Variants in DOCK1 observed in about 807,000 individuals in gnomAD.
The protein encoded by DOCK1 is dedicator of cytokinesis protein 1.
DOCK1 carries 138 observed loss-of-function variants against 262.7 expected under a neutral mutation model. The observed-to-expected ratio is 0.53, with a 90% CI of 0.46 to 0.61. DOCK1 has a LOEUF of 0.61. DOCK1 is among the 20% of genes least tolerant of loss of function. The pLI is 0.00. For synonymous variants in DOCK1, 866 were observed against 867.4 expected (o/e 1.00, Z 0.03); for missense variants, 1,908 against 2,370.7 (o/e 0.80, Z 4.05).
In DOCK1 at chr10:127,248,219, G is replaced by T; in HGVS notation, c.2949+110G>T. 9 of 965,332 alleles carry T rather than the reference G, an allele frequency of 9.3e-6. 1 individual carries two copies. Among genetic ancestry groups the T allele is most frequent in the Non-Finnish European group, 1.4e-5 (9 of 641,596 alleles). 59.8% of individuals were successfully genotyped at this position (965,332 alleles called of 1,614,324 possible). A position where few individuals can be genotyped will look rare whatever the true frequency, so the allele number is the denominator to read the frequency against. On this transcript the variant is annotated intron_variant, in intron 28 of 51. Coordinates refer to ENST00000623213, the MANE Select transcript of DOCK1 (RefSeq NM_001290223.2). ...AAAATAGGATTTTGCATGAGAACTT[G>T]TCTCTGATTGATTTCAAATGCCTCC...
intron 27 of DOCK1, among the ~76,000 whole-genome samples, chr10:127,186,874 G>C (rs1483476793): frequency 2.6e-5 from 4 of 152,108 alleles, no homozygotes; most frequent in African/African-American, 7.2e-5. Flanking sequence ...TGCACACACA[G>C]ATACAGGAGG....
chr10:127,126,484 G>A lies in DOCK1; in HGVS notation c.2751+883G>A, dbSNP rs115709013. Reference sequence around the variant, plus strand: ...AGTAGCTCACGCCTGTAATCCCAGCGGTTTGGGAAGCCAAGGCAGGAGGAT... The same window carrying A: ...AGTAGCTCACGCCTGTAATCCCAGCAGTTTGGGAAGCCAAGGCAGGAGGAT... On this transcript the variant is annotated intron_variant, in intron 26 of 51. Coordinates refer to ENST00000623213, the MANE Select transcript of DOCK1 (RefSeq NM_001290223.2). Among the ~76,000 whole-genome samples, 893 of 152,180 alleles carry A rather than the reference G, an allele frequency of 5.9e-3. 5 individuals are homozygous for A. Among genetic ancestry groups the A allele is most frequent in the African/African-American group, 0.021 (853 of 41,512 alleles).
At position 127,032,084 on chromosome 10, in the gene DOCK1, G is replaced by A. The variant is rs781156505; in HGVS notation, c.1729-53G>A. Reference sequence around the variant, plus strand: ...GGGATAACAAAGGGTGGCAAAAATGGTGTGTTGCTGTTTGTGAATTGCCTT... The same window carrying A: ...GGGATAACAAAGGGTGGCAAAAATGATGTGTTGCTGTTTGTGAATTGCCTT... On this transcript the variant is annotated intron_variant, in intron 17 of 51. Transcript: ENST00000623213. 6 of 1,552,804 alleles carry A rather than the reference G, an allele frequency of 3.9e-6. No individual in the cohort carries two copies. The Admixed American group carries it at 1.2e-4, about 30-fold the overall frequency.
intron 6 of DOCK1, among the ~76,000 whole-genome samples, chr10:126,996,368 G>C (rs1359647132): frequency 1.0e-5 from 1 of 99,486 alleles, no homozygotes; most frequent in Non-Finnish European, 1.8e-5. Context: ...CAACAAGAAC[G>C]AGACTGTCTC....
intron 1 of DOCK1, among the ~76,000 whole-genome samples, chr10:126,923,587 G>C (rs966208732): frequency 5.3e-5 from 8 of 152,240 alleles, no homozygotes. Context: ...TGGCACCACT[G>C]CACTCCAGCC....
intron 27 of DOCK1, among the ~76,000 whole-genome samples, chr10:127,199,991 C>A (rs1262244637): frequency 6.6e-6 from 1 of 152,190 alleles, no homozygotes; most frequent in East Asian, 1.9e-4. Context: ...GAGGAGCCTT[C>A]CAGTTTAGCT....
chr10:127,301,320 T>G (rs1215590941), intron 29 of DOCK1, among the ~76,000 whole-genome samples: 2 of 152,218 alleles, frequency 1.3e-5, no homozygotes, highest in African/African-American at 4.8e-5. Context: ...ATAAGCACTT[T>G]TACAAGTCAG....
intron 29 of DOCK1, among the ~76,000 whole-genome samples, chr10:127,308,171 C>T (rs899772149): frequency 4.6e-5 from 7 of 152,218 alleles, no homozygotes; most frequent in African/African-American, 1.2e-4. Context: ...CTAGGGGTGA[C>T]AGCATTGTTG....
intron 29 of DOCK1, among the ~76,000 whole-genome samples, chr10:127,333,602 C>T (rs760862780): frequency 7.9e-5 from 12 of 152,190 alleles, no homozygotes; most frequent in Non-Finnish European, 1.3e-4. Context: ...CTCTGGAGCC[C>T]ACGCACTGCA....
At chr10:127,396,873 A>G (rs1233526149) in intron 38 of DOCK1, among the ~76,000 whole-genome samples, 4 of 152,250 alleles carry the variant, frequency 2.6e-5, no homozygotes, top group African/African-American at 4.8e-5. Flanking sequence ...GTTGATGAAC[A>G]TAAGTGACCC....
rs549153306 is a variant in DOCK1 at position 127,002,536 on chromosome 10, T to TA, written c.985+2230dup. ...ACCACTGTGGCCTTCCACTGTTTCT[T>TA]ACATGCTCACTTATGCTTGCTTGGT... On this transcript the variant is annotated intron_variant, in intron 10 of 51. Coordinates refer to ENST00000623213, the MANE Select transcript of DOCK1 (RefSeq NM_001290223.2). Among the ~76,000 whole-genome samples, 132 of 152,318 alleles carry TA rather than the reference T, an allele frequency of 8.7e-4. 1 individual carries two copies. In the South Asian group the frequency reaches 0.025, roughly 29 times the overall value.
At chr10:127,145,760 T>G (rs2051760354) in intron 27 of DOCK1, among the ~76,000 whole-genome samples, 1 of 152,178 alleles carries the variant, frequency 6.6e-6, no homozygotes, top group Non-Finnish European at 1.5e-5. Flanking sequence ...TTTCTAGATG[T>G]GGTCAGGAGC....
intron 10 of DOCK1, among the ~76,000 whole-genome samples, chr10:127,002,874 T>TA: frequency 6.6e-6 from 1 of 152,326 alleles, no homozygotes; most frequent in South Asian, 2.1e-4. Flanking sequence ...TACCCACTGA[T>TA]ATCGGGGCTT....
chr10:127,328,663 G>A (rs913837489), intron 29 of DOCK1, among the ~76,000 whole-genome samples: 1 of 152,164 alleles, frequency 6.6e-6, no homozygotes, highest in Non-Finnish European at 1.5e-5. Flanking sequence ...GCAGGGAGGC[G>A]AGGTCTCTGG....
intron 1 of DOCK1, among the ~76,000 whole-genome samples, chr10:126,907,643 G>T (rs966126671): frequency 6.6e-5 from 10 of 152,226 alleles, no homozygotes; most frequent in African/African-American, 2.4e-4. Context: ...GACCTGGATG[G>T]TGTCAGTTAG....
intron 1 of DOCK1, among the ~76,000 whole-genome samples, chr10:126,952,673 T>G (rs1475793213): frequency 1.1e-4 from 1 of 9,262 alleles, no homozygotes; most frequent in African/African-American, 4.3e-4. Flanking sequence ...ATTGGTAGTA[T>G]TGTTGTTGTT....
chr10:127,322,172 A>T (rs796320257), intron 29 of DOCK1, among the ~76,000 whole-genome samples: 16 of 142,888 alleles, frequency 1.1e-4, no homozygotes, highest in African/African-American at 4.3e-4. Context: ...GCACACACAT[A>T]ATTTTATAAT....
At chr10:127,120,299 T>A (rs536842581) in intron 25 of DOCK1, among the ~76,000 whole-genome samples, 1 of 152,262 alleles carries the variant, frequency 6.6e-6, no homozygotes, top group South Asian at 2.1e-4. Context: ...AAATGAGAAG[T>A]CACATACAAG....
chr10:127,153,974 G>T, intron 27 of DOCK1: 1 of 1,333,928 alleles, frequency 7.5e-7, no homozygotes, highest in Non-Finnish European at 1.1e-6. Flanking sequence ...GGGGTCACTG[G>T]CTTTATAGAG....
Sources: allele counts gnomAD v4.1 joint callset (sites outside exome capture counted in the v4.1 genomes callset), GRCh38; gene constraint gnomAD v4.1.1; transcripts MANE v1.5; gene names NCBI Gene and HGNC (gene_info 2026-07-23, HGNC 2026-07-21).